Variants in NBEA observed in about 807,000 individuals in gnomAD.
NBEA encodes neurobeachin.
In NBEA, 44 loss-of-function variants were observed where a neutral mutation model predicts 343.4. That is an observed-to-expected ratio of 0.13 (90% confidence interval 0.10 to 0.16). The LOEUF is 0.16. Among genes scored for constraint, NBEA ranks in the 10% least tolerant of loss-of-function variants. The pLI, the probability that NBEA is intolerant of heterozygous loss-of-function variation, is 1.00. For missense variants in NBEA, 2,555 were observed against 3,631.3 expected (o/e 0.70, Z 7.62); for synonymous variants, 1,175 against 1,238.7 (o/e 0.95, Z 1.08).
At chr13:35,493,141 A>G (rs922177382) in intron 41 of NBEA, among the ~76,000 whole-genome samples, 14 of 151,906 alleles carry the variant, frequency 9.2e-5, no homozygotes, top group African/African-American at 3.4e-4. Flanking sequence ...TTGGGGAAAG[A>G]AGACCCATGA....
chr13:35,336,837 A>G (rs968508157), intron 36 of NBEA, among the ~76,000 whole-genome samples: 8 of 152,134 alleles, frequency 5.3e-5, no homozygotes, highest in South Asian at 2.1e-4. Context: ...TGATACTAGG[A>G]GGTAAATAGC....
At chr13:35,200,386 A>G (rs1229629927) in intron 31 of NBEA, among the ~76,000 whole-genome samples, 1 of 150,150 alleles carries the variant, frequency 6.7e-6, no homozygotes, top group Non-Finnish European at 1.5e-5. Flanking sequence ...TGGTATATAT[A>G]TATATCTATG....
intron 35 of NBEA, among the ~76,000 whole-genome samples, chr13:35,308,442 A>C (rs1594155188): frequency 7.8e-5 from 1 of 12,866 alleles, no homozygotes; most frequent in South Asian, 2.3e-3. Flanking sequence ...TATTTACTAT[A>C]TATATATATA....
chr13:35,635,280 G>A (rs895151789), intron 49 of NBEA, among the ~76,000 whole-genome samples: 1 of 151,956 alleles, frequency 6.6e-6, no homozygotes, highest in East Asian at 1.9e-4. Context: ...CCACCTGCCC[G>A]ATCTGCGTGA....
intron 39 of NBEA, among the ~76,000 whole-genome samples, chr13:35,447,423 GA>G (rs550517175): frequency 5.9e-5 from 9 of 151,832 alleles, no homozygotes; most frequent in Middle Eastern, 3.4e-3. Flanking sequence ...GAAATTTTAT[GA>G]AAAAGGAACT....
chr13:35,628,041 A>AG, intron 48 of NBEA, 40 bp from the exon 49 acceptor site: 1 of 1,542,950 alleles, frequency 6.5e-7, no homozygotes, highest in African/African-American at 1.4e-5. Context: ...AGGTGTACTA[A>AG]GTTTTGATGG....
intron 49 of NBEA, among the ~76,000 whole-genome samples, chr13:35,644,782 CT>C (rs1252668801): frequency 1.3e-5 from 2 of 152,186 alleles, no homozygotes; most frequent in African/African-American, 2.4e-5. Flanking sequence ...TCTCTTCCCC[CT>C]TTTATAATCA....
At chr13:35,527,115 C>T (rs1446654101) in intron 41 of NBEA, among the ~76,000 whole-genome samples, 3 of 152,130 alleles carry the variant, frequency 2.0e-5, no homozygotes, top group Admixed American at 1.3e-4. Flanking sequence ...ACAGCTCTTT[C>T]GGTCATCCAG....
intron 38 of NBEA, among the ~76,000 whole-genome samples, chr13:35,430,854 T>A (rs1295453185): frequency 6.6e-6 from 1 of 152,142 alleles, no homozygotes; most frequent in Non-Finnish European, 1.5e-5. Flanking sequence ...GTATACTATT[T>A]ATTACTATTA....
intron 41 of NBEA, among the ~76,000 whole-genome samples, chr13:35,481,017 A>T (rs569638522): frequency 6.6e-6 from 1 of 152,102 alleles, no homozygotes; most frequent in South Asian, 2.1e-4. Flanking sequence ...TGCACAATTT[A>T]GACCCTATTT....
chr13:35,615,918 G>A (rs571197289), intron 48 of NBEA, among the ~76,000 whole-genome samples: 14 of 152,200 alleles, frequency 9.2e-5, no homozygotes, highest in South Asian at 4.2e-4. Context: ...ACCCTTACCC[G>A]TAAGGCTTCC....
At chr13:35,292,489 T>G (rs2035864330) in intron 35 of NBEA, among the ~76,000 whole-genome samples, 1 of 152,018 alleles carries the variant, frequency 6.6e-6, no homozygotes, top group Admixed American at 6.6e-5. Context: ...TCTTGTAGAA[T>G]GAAGCACAGT....
At chr13:35,227,552 G>A (rs1229880606) in intron 33 of NBEA, among the ~76,000 whole-genome samples, 2 of 151,880 alleles carry the variant, frequency 1.3e-5, no homozygotes, top group African/African-American at 4.8e-5. Context: ...TTATGTCTGA[G>A]TAAATCTTTT....
At chr13:35,321,668 C>T (rs191112653) in intron 36 of NBEA, among the ~76,000 whole-genome samples, 2 of 147,602 alleles carry the variant, frequency 1.4e-5, no homozygotes, top group Admixed American at 6.6e-5. Context: ...TGGGCAGGAA[C>T]ATTTAAGTCT....
intron 35 of NBEA, 73 bp from the exon 36 acceptor site, chr13:35,309,455 A>C: frequency 1.3e-6 from 1 of 776,868 alleles, no homozygotes; most frequent in Non-Finnish European, 2.1e-6. Context: ...CAATATCAAC[A>C]TGATCCTTAA....
chr13:35,409,729 C>T (rs2043475575), intron 38 of NBEA, among the ~76,000 whole-genome samples: 1 of 151,768 alleles, frequency 6.6e-6, no homozygotes, highest in Non-Finnish European at 1.5e-5. Context: ...GTGAGCAATA[C>T]AGGGGAAAAG....
At chr13:34,982,075 T>G (rs1038051799) in intron 1 of NBEA, among the ~76,000 whole-genome samples, 15 of 152,124 alleles carry the variant, frequency 9.9e-5, no homozygotes, top group African/African-American at 3.6e-4. Context: ...TTTATTAATT[T>G]ATGTTCTTAT....
intron 35 of NBEA, among the ~76,000 whole-genome samples, chr13:35,302,877 T>C (rs2036643349): frequency 6.6e-6 from 1 of 152,180 alleles, no homozygotes; most frequent in Admixed American, 6.5e-5. Context: ...AATCTAATTA[T>C]ATAATGTGCA....
intron 1 of NBEA, among the ~76,000 whole-genome samples, chr13:35,016,327 T>C (rs2061656253): frequency 6.6e-6 from 1 of 152,176 alleles, no homozygotes; most frequent in Admixed American, 6.5e-5. Flanking sequence ...TTAAGTTTTA[T>C]GGTAAAAATG....
Sources: allele counts gnomAD v4.1 joint callset (sites outside exome capture counted in the v4.1 genomes callset), GRCh38; gene constraint gnomAD v4.1.1; transcripts MANE v1.5; gene names NCBI Gene and HGNC (gene_info 2026-07-23, HGNC 2026-07-21).